Variants in PCNX1 observed in about 807,000 individuals in gnomAD.
The protein encoded by PCNX1 is pecanex-like protein 1.
Under a neutral mutation model 242.2 loss-of-function variants are expected in PCNX1, and 78 were observed. The observed-to-expected ratio is 0.32, with a 90% confidence interval of 0.27 to 0.39. The LOEUF is 0.39. Among genes scored for constraint, PCNX1 ranks in the 10% least tolerant of loss-of-function variants. The pLI is 1.00. For synonymous variants in PCNX1, 1,024 were observed against 1,032.9 expected (o/e 0.99, Z 0.17); for missense variants, 2,581 against 2,856.5 (o/e 0.90, Z 2.20).
chr14:71,019,337 T>C (rs1415175110), intron 12 of PCNX1, among the ~76,000 whole-genome samples, 175 bp downstream of exon 12: 1 of 152,248 alleles, frequency 6.6e-6, no homozygotes, highest in Non-Finnish European at 1.5e-5. Flanking sequence ...AAAATAATTG[T>C]ATGTAAATTA....
intron 24 of PCNX1, chr14:71,053,344 C>G (rs2061091588): frequency 8.9e-6 from 4 of 447,630 alleles, no homozygotes; most frequent in Non-Finnish European, 1.3e-5. Flanking sequence ...ACAATCTCGA[C>G]TCACTGCAAC....
chr14:71,029,436 CT>C (rs2060323253), intron 16 of PCNX1, among the ~76,000 whole-genome samples: 1 of 152,118 alleles, frequency 6.6e-6, no homozygotes. Context: ...CTCACAGATC[CT>C]TCCTTGCCTC....
At chr14:70,991,117 T>C (rs150468032) in intron 7 of PCNX1, among the ~76,000 whole-genome samples, 407 of 152,242 alleles carry the variant, frequency 2.7e-3, no homozygotes, top group African/African-American at 9.5e-3. Context: ...TCTAATGTTC[T>C]AACTCCAGCC....
chr14:70,944,488 A>G (rs2057385093), intron 1 of PCNX1, among the ~76,000 whole-genome samples: 1 of 152,172 alleles, frequency 6.6e-6, no homozygotes, highest in Non-Finnish European at 1.5e-5. Context: ...CATTGTACCT[A>G]GGAAGTAACT....
intron 2 of PCNX1, among the ~76,000 whole-genome samples, chr14:70,950,604 G>A (rs929428324): frequency 1.3e-5 from 2 of 151,914 alleles, no homozygotes; most frequent in Admixed American, 1.3e-4. Context: ...AAATTCAGCT[G>A]CCTCTTTTTT....
At chr14:71,081,780 A>C (rs533885339) in intron 28 of PCNX1, among the ~76,000 whole-genome samples, 1 of 152,036 alleles carries the variant, frequency 6.6e-6, no homozygotes, top group Non-Finnish European at 1.5e-5. Flanking sequence ...TCTAACTAGC[A>C]GTCTATTTGT....
intron 10 of PCNX1, 107 bp downstream of exon 10, chr14:71,011,656 A>C (rs2059824805): frequency 1.4e-6 from 1 of 721,112 alleles, no homozygotes; most frequent in Admixed American, 3.0e-5. Flanking sequence ...AAGTTACACA[A>C]AAATTTTTTG....
chr14:71,026,039 A>G (rs2140862810), intron 13 of PCNX1, 78 bp from the exon 14 acceptor site: 1 of 844,904 alleles, frequency 1.2e-6, no homozygotes, highest in East Asian at 2.7e-5. Flanking sequence ...TCCTTAGAAT[A>G]AAGCCATCAG....
chr14:70,981,969 A>G (rs2140169348), intron 6 of PCNX1, among the ~76,000 whole-genome samples: 1 of 152,276 alleles, frequency 6.6e-6, no homozygotes, highest in Admixed American at 6.5e-5. Flanking sequence ...ATTTATTTTA[A>G]ATATAATGTT....
At chr14:70,938,442 G>A (rs1328547376) in intron 1 of PCNX1, among the ~76,000 whole-genome samples, 3 of 152,298 alleles carry the variant, frequency 2.0e-5, no homozygotes, top group East Asian at 3.9e-4. Flanking sequence ...TTGTTGATTT[G>A]TGTATATTGA....
chr14:70,953,664 CTTT>C (rs33967128), intron 2 of PCNX1, among the ~76,000 whole-genome samples: 1,398 of 114,906 alleles, frequency 0.012, 25 homozygotes, highest in African/African-American at 0.035. Flanking sequence ...TTTTTTCTTT[CTTT>C]TTTTTTTTTT....
intron 8 of PCNX1, among the ~76,000 whole-genome samples, chr14:71,001,617 G>T (rs1273886642): frequency 1.3e-5 from 2 of 152,174 alleles, no homozygotes; most frequent in African/African-American, 4.8e-5. Context: ...CTAGTATGTT[G>T]TAAAGAATTC....
intron 11 of PCNX1, among the ~76,000 whole-genome samples, chr14:71,015,020 A>T (rs2140632698): frequency 6.6e-6 from 1 of 152,304 alleles, no homozygotes; most frequent in East Asian, 1.9e-4. Context: ...GGAAATAACG[A>T]AGTGAAAAGA....
intron 35 of PCNX1, 60 bp downstream of exon 35, chr14:71,109,652 TG>T (rs2062715232): frequency 2.5e-6 from 4 of 1,598,714 alleles, no homozygotes; most frequent in Non-Finnish European, 3.4e-6. Context: ...CCGCCTCACT[TG>T]GATGCATGGT....
chr14:70,948,655 A>G (rs1337142199), intron 2 of PCNX1, among the ~76,000 whole-genome samples: 3 of 150,820 alleles, frequency 2.0e-5, no homozygotes, highest in East Asian at 3.9e-4. Flanking sequence ...ATAGATGTGT[A>G]TATATACACG....
intron 6 of PCNX1, among the ~76,000 whole-genome samples, chr14:70,980,021 A>G (rs2058792241): frequency 6.6e-6 from 1 of 151,130 alleles, no homozygotes; most frequent in Non-Finnish European, 1.5e-5. Context: ...CACACAAATC[A>G]TATCAGATAT....
chr14:70,982,691 G>A (rs541943734), intron 6 of PCNX1, among the ~76,000 whole-genome samples: 14 of 152,230 alleles, frequency 9.2e-5, no homozygotes, highest in African/African-American at 3.4e-4. Context: ...GTGTTTATTG[G>A]TGAAGCAAAT....
intron 1 of PCNX1, among the ~76,000 whole-genome samples, chr14:70,937,563 A>G (rs907970552): frequency 1.3e-5 from 2 of 152,208 alleles, no homozygotes; most frequent in Admixed American, 6.5e-5. Flanking sequence ...GAAGTCAGGT[A>G]GCATGATGCC....
intron 19 of PCNX1, among the ~76,000 whole-genome samples, chr14:71,040,573 A>G (rs919154313): frequency 6.6e-6 from 1 of 152,002 alleles, no homozygotes; most frequent in Non-Finnish European, 1.5e-5. Context: ...GGGGTACATG[A>G]GATACTTTGA....
Sources: allele counts gnomAD v4.1 joint callset (sites outside exome capture counted in the v4.1 genomes callset), GRCh38; gene constraint gnomAD v4.1.1; transcripts MANE v1.5; gene names NCBI Gene and HGNC (gene_info 2026-07-23, HGNC 2026-07-21).